The following BCL6 variants were observed in gnomAD, a reference collection of about 807,000 sequenced individuals.
BCL6 encodes the protein BCL6 transcription repressor.
A neutral mutation model predicts 59.5 loss-of-function variants in BCL6; 7 were observed. That is an observed-to-expected ratio of 0.12 (90% confidence interval 0.07 to 0.22). The LOEUF (loss-of-function observed/expected upper bound fraction) is 0.22. Among genes scored for constraint, BCL6 ranks in the 10% least tolerant of loss-of-function variants. BCL6 has a pLI of 1.00. For synonymous variants in BCL6, 339 were observed against 349.7 expected, an observed-to-expected ratio of 0.97 and a Z score of 0.34; for missense variants, 685 against 939.4, an observed-to-expected ratio of 0.73 and a Z score of 3.54.
intron 9 of BCL6, among the ~76,000 whole-genome samples, chr3:187,723,482 T>C (rs557137202): frequency 6.6e-6 from 1 of 152,326 alleles, no homozygotes; most frequent in South Asian, 2.1e-4. Flanking sequence ...GTGACAAATG[T>C]ATGGAACTAA....
Position 187,722,310 on chromosome 3 carries a change from A to ACCCCCCCCCCCCCCC in BCL6, c.*147_*148insGGGGGGGGGGGGGGG. Reference sequence around the variant, plus strand: ...GCGGCTCCCAGTCCCCCAGGCCCCGACCCCCACCACCCCCAACCCCCAGCT... The same window carrying ACCCCCCCCCCCCCCC: ...GCGGCTCCCAGTCCCCCAGGCCCCGACCCCCCCCCCCCCCCCCCCCACCACCCCCAACCCCCAGCT... On this transcript the variant is annotated 3_prime_UTR_variant, in exon 10 of 10. Coordinates refer to ENST00000406870, the MANE Select transcript of BCL6 (RefSeq NM_001706.5). 1 of 112,696 alleles carries ACCCCCCCCCCCCCCC rather than the reference A, an allele frequency of 8.9e-6. No homozygotes were observed. Among genetic ancestry groups the ACCCCCCCCCCCCCCC allele is most frequent in the Non-Finnish European group, 1.7e-5 (1 of 59,590 alleles). 7.0% of individuals were successfully genotyped at this position (112,696 alleles called of 1,614,324 possible).
intron 1 of BCL6, among the ~76,000 whole-genome samples, chr3:187,744,286 A>G (rs1488838311): frequency 6.6e-6 from 1 of 152,078 alleles, no homozygotes; most frequent in African/African-American, 2.4e-5. Flanking sequence ...CCCCCCGCAC[A>G]CTGAAAGGCA....
At position 187,724,873 on chromosome 3, in the gene BCL6, C is replaced by T. The variant is rs114017848; in HGVS notation, c.1977+68G>A. 3.3e-3 allele frequency: 5,195 copies of T among 1,597,758 alleles called. 139 individuals carry two copies. In the African/African-American group the frequency reaches 0.06, roughly 18 times the overall value. On this transcript the variant is annotated intron_variant, in intron 9 of 9. Transcript: ENST00000406870. ...CCTCCCTGCTCCACCTCCTTCCCTG[C>T]GCTCCACCTCCTTCCCTGCCCTCCA...
At chr3:187,723,084 C>T (rs1254908493) in intron 9 of BCL6, among the ~76,000 whole-genome samples, 2 of 152,134 alleles carry the variant, frequency 1.3e-5, no homozygotes, top group Non-Finnish European at 2.9e-5. Flanking sequence ...TTCCTAGGAC[C>T]TCACAGAATA....
rs772115541 is a variant in BCL6 at position 187,726,863 on chromosome 3, G to A, written c.1576C>T (p.Arg526Cys). 6.2e-6 allele frequency: 10 copies of A among 1,614,160 alleles called. No individual in the cohort carries two copies. The highest frequency in any genetic ancestry group is 7.6e-6 in the Non-Finnish European group (9 of 1,180,034). Reference protein sequence around the residue: ...GAFFCNECDCRFSEEASLKRH... With the variant: ...GAFFCNECDCCFSEEASLKRH... Reference sequence around the variant, plus strand: ...TTGAGTGAGGCCTCCTCAGAGAAGCGGCAGTCACACTCATTGCAGAAGAAG... The same window carrying A: ...TTGAGTGAGGCCTCCTCAGAGAAGCAGCAGTCACACTCATTGCAGAAGAAG... Residue 526 changes from arginine (R) to cysteine (C), a missense_variant, in exon 7 of 10, where the codon CGC becomes TGC. Physicochemically the swap from Arg to Cys is radical, Grantham distance 180. Coordinates refer to ENST00000406870, the MANE Select transcript of BCL6 (RefSeq NM_001706.5).
At position 187,729,197 on chromosome 3, in the gene BCL6, A is replaced by G; in HGVS notation, c.1208T>C (p.Leu403Pro). 2.5e-6 allele frequency: 4 copies of G among 1,587,732 alleles called. No individual in the cohort carries two copies. Among genetic ancestry groups the G allele is most frequent in the Non-Finnish European group, 3.4e-6 (4 of 1,165,584 alleles). The change falls in exon 5 of 10, where the codon CTT (leucine) becomes CCT (proline). Residue 403 changes from leucine to proline, a missense_variant. By Grantham distance (98) the Leu-to-Pro change is moderately conservative. This residue lies in a region of BCL6 where 207 missense variants were observed against 213.7 expected (regional missense o/e 0.97). Coordinates refer to ENST00000406870, the MANE Select transcript of BCL6 (RefSeq NM_001706.5). The surrounding 1 kb of genome is among the most constrained non-coding windows in gnomAD (Gnocchi z 5.6). The part of the protein sequence containing the change: ...EGPEQAELGR[L>P]SPRAYTAPPA... ...TGGGGCCGTGTAGGCTCGTGGGGAA[A>G]GGCGGCCCAGCTCAGCCTGCTCAGG...
At chr3:187,744,382 G>A (rs1711774153) in intron 1 of BCL6, among the ~76,000 whole-genome samples, 1 of 151,882 alleles carries the variant, frequency 6.6e-6, no homozygotes, top group Non-Finnish European at 1.5e-5. Flanking sequence ...TGAGCAGGGA[G>A]AGCGCGCGGA....
At position 187,725,701 on chromosome 3, in the gene BCL6, G is replaced by C; in HGVS notation, c.1709-72C>G. On this transcript the variant is annotated intron_variant, in intron 7 of 9. Transcript: ENST00000406870. The surrounding 1 kb of genome is among the most constrained non-coding windows in gnomAD (Gnocchi z 4.7). Reference sequence around the variant, plus strand: ...AGGTCTCTGCAGTCCGTGGCTCCTGGATTTCTAAGCAGCCTGCTCCTCCCT... The same window carrying C: ...AGGTCTCTGCAGTCCGTGGCTCCTGCATTTCTAAGCAGCCTGCTCCTCCCT... 1 of 1,580,644 alleles carries C rather than the reference G, an allele frequency of 6.3e-7. No individual in the cohort carries two copies. Among genetic ancestry groups the C allele is most frequent in the East Asian group, 2.2e-5 (1 of 44,554 alleles).
At chr3:187,728,602 C>G (rs41268621) in intron 5 of BCL6, 58 bp from the exon 6 acceptor site, 102,235 of 1,522,930 alleles carry the variant, frequency 0.067, 3,666 homozygotes, top group East Asian at 0.071. Context: ...AGACCACCCT[C>G]TCCTCCCTGT....
At chr3:187,730,390 C>A (rs937430367) in intron 4 of BCL6, among the ~76,000 whole-genome samples, 1 of 152,214 alleles carries the variant, frequency 6.6e-6, no homozygotes, top group South Asian at 2.1e-4. Context: ...TTCACCCATG[C>A]AAAATCCTGA....
In BCL6 at chr3:187,729,192, G is replaced by C. The variant is rs1391743154; in HGVS notation, c.1213C>G (p.Pro405Ala). 1 of 1,600,374 alleles carries C rather than the reference G, an allele frequency of 6.2e-7. No homozygotes were observed. Among genetic ancestry groups the C allele is most frequent in the African/African-American group, 1.3e-5 (1 of 74,196 alleles). The change falls in exon 5 of 10, where the codon CCA becomes GCA. Residue 405 changes from proline to alanine, a missense_variant. Physicochemically the swap from Pro to Ala is conservative, Grantham distance 27. This residue lies in a region of BCL6 where 207 missense variants were observed against 213.7 expected (regional missense o/e 0.97). Coordinates refer to ENST00000406870, the MANE Select transcript of BCL6 (RefSeq NM_001706.5). This position sits in a 1 kb window ranked among gnomAD's most constrained non-coding sequence, Gnocchi z 5.6. ...GCAGGTGGGGCCGTGTAGGCTCGTG[G>C]GGAAAGGCGGCCCAGCTCAGCCTGC... ...PEQAELGRLS[P>A]RAYTAPPACQ...
chr3:187,739,182 C>T (rs1224703085), intron 1 of BCL6, among the ~76,000 whole-genome samples: 1 of 152,156 alleles, frequency 6.6e-6, no homozygotes. Context: ...CTCCAATAAC[C>T]CGCTGAAAAA....
rs150488356 is a variant in BCL6, at chr3:187,742,592, C to G, written c.-50+2818G>C. On this transcript the variant is annotated intron_variant, in intron 1 of 9. Transcript: ENST00000406870. ...TTAAAACTAGCCAATGCTTCGGCCT[C>G]TAGTATTGGAAAGTCTTCCAAATAG... Among the ~76,000 whole-genome samples the G allele has an allele frequency of 1.8e-3, 272 of 151,006 alleles. 3 individuals carry two copies. The highest frequency in any genetic ancestry group is 3.1e-3 in the Non-Finnish European group (212 of 67,846).
intron 7 of BCL6, 25 bp downstream of exon 7, chr3:187,726,706 C>T (rs201847883): frequency 1.6e-5 from 25 of 1,609,884 alleles, no homozygotes; most frequent in Middle Eastern, 1.8e-4. Context: ...GTGGAGAGTT[C>T]GGGTCGTGTG....
intron 4 of BCL6, 31 bp from the exon 5 acceptor site, chr3:187,730,052 GC>G (rs759192936): frequency 1.3e-6 from 2 of 1,525,228 alleles, no homozygotes; most frequent in Non-Finnish European, 1.8e-6. Flanking sequence ...AAAGACACCG[GC>G]CCCAAATCAG....
At chr3:187,745,159 G>A (rs564771785) in intron 1 of BCL6, among the ~76,000 whole-genome samples, 1 of 152,228 alleles carries the variant, frequency 6.6e-6, no homozygotes, top group East Asian at 1.9e-4. Context: ...ATATCCTATG[G>A]TGGGAGAGAC....
intron 9 of BCL6, chr3:187,724,732 G>T: frequency 3.1e-6 from 2 of 653,358 alleles, no homozygotes; most frequent in South Asian, 2.0e-5. Flanking sequence ...GTCCCCTAAT[G>T]CTTGGGCCAA....
chr3:187,741,320 G>C lies in BCL6; in HGVS notation c.-50+4090C>G, dbSNP rs1447790958. Among the ~76,000 whole-genome samples the C allele has an allele frequency of 3.3e-5, 5 of 152,142 alleles. No homozygotes were observed. The East Asian group carries it at 9.6e-4, about 29-fold the overall frequency. Reference sequence around the variant, plus strand: ...CTTTATGTACTGGGAAGGGAAAGAAGGTGCACTTGTCTTCAAAAGGCAGAA... The same window carrying C: ...CTTTATGTACTGGGAAGGGAAAGAACGTGCACTTGTCTTCAAAAGGCAGAA... On this transcript the variant is annotated intron_variant, in intron 1 of 9. Transcript: ENST00000406870.
chr3:187,744,081 A>C (rs539185052), intron 1 of BCL6, among the ~76,000 whole-genome samples: 1 of 152,094 alleles, frequency 6.6e-6, no homozygotes, highest in African/African-American at 2.4e-5. Context: ...GGCGTCCACT[A>C]CGCTCAGGCC....
Sources: gnomAD v4.1 joint callset for allele counts (sites outside exome capture counted in the v4.1 genomes callset) on GRCh38, gnomAD v4.1.1 for gene constraint, gnomAD v4.1.1 regional missense constraint, Gnocchi (gnomAD v3.1) non-coding constraint, MANE v1.5 for transcripts, NCBI Gene and HGNC (gene_info 2026-07-23, HGNC 2026-07-21) for gene names.